PROX1: variants seen among roughly 807,000 people sequenced by gnomAD.
PROX1 encodes prospero homeobox 1.
A neutral mutation model predicts 58.8 loss-of-function variants in PROX1; 7 were observed. The ratio of observed to expected loss-of-function variants is 0.12; its 90% confidence interval spans 0.07 to 0.22. The LOEUF is 0.22. Among genes scored for constraint, PROX1 ranks in the 10% least tolerant of loss-of-function variants. The pLI is 1.00. For synonymous variants in PROX1, 350 were observed against 358.3 expected (o/e 0.98, Z 0.26); for missense variants, 675 against 927.8 (o/e 0.73, Z 3.54).
rs755554202 is a variant in PROX1, at chr1:213,997,399, C to T, written c.864C>T (p.Ala288=). ...GCTCGGAGATCCTGGATGCCAGGGCCCAGGACTCTGTCGGAAGGTCAGATA... is the reference window on the plus strand; with the variant it reads ...GCTCGGAGATCCTGGATGCCAGGGCTCAGGACTCTGTCGGAAGGTCAGATA... ...SMRSEILDAR[A]QDSVGRSDNE... Residue 288 remains alanine, a synonymous_variant, in exon 2 of 5, where the codon GCC becomes GCT. Coordinates refer to ENST00000366958, the MANE Select transcript of PROX1 (RefSeq NM_001270616.2). This position sits in a 1 kb window ranked among gnomAD's most constrained non-coding sequence, Gnocchi z 7.1. 2 of 1,613,894 alleles carry T rather than the reference C, an allele frequency of 1.2e-6. No homozygotes were observed. Among genetic ancestry groups the T allele is most frequent in the Non-Finnish European group, 8.5e-7 (1 of 1,180,008 alleles).
chr1:214,018,343 C>G (rs1355440948), intron 4 of PROX1, among the ~76,000 whole-genome samples: 1 of 152,168 alleles, frequency 6.6e-6, no homozygotes, highest in Admixed American at 6.5e-5. Flanking sequence ...TTTGATGAAG[C>G]GTAGACGTTT....
chr1:213,997,466 G>T lies in PROX1; in HGVS notation c.931G>T (p.Ala311Ser). The T allele has an allele frequency of 6.2e-7, 1 of 1,614,130 alleles. No individual in the cohort carries two copies. Among genetic ancestry groups the T allele is most frequent in the Non-Finnish European group, 8.5e-7 (1 of 1,180,028 alleles). ...AGACCCAGGACAGTTTATTGACCGA[G>T]CTCGAGCCCTGATCAGAGAGCAGGA... ...ELDPGQFIDR[A>S]RALIREQEMA... The change falls in exon 2 of 5, where the codon GCT becomes TCT. Residue 311 changes from alanine (A) to serine (S), a missense_variant. By Grantham distance (99) the Ala-to-Ser change is moderately conservative. This residue lies in a region of PROX1 where 403 missense variants were observed against 477.4 expected (regional missense o/e 0.84). Transcript: ENST00000366958. The surrounding 1 kb of genome is among the most constrained non-coding windows in gnomAD (Gnocchi z 7.1).
rs1053798010 is a variant in PROX1 at position 214,040,685 on chromosome 1, C to CT, written c.*4857dup. ...ATGTTGTAAATAGCATTATTAAGCT[C>CT]TTTTTTGTAATAAAGACCCTTTGAT... is the stretch of plus-strand genomic sequence containing the variant. On this transcript the variant is annotated 3_prime_UTR_variant, in exon 5 of 5. Coordinates refer to ENST00000366958, the MANE Select transcript of PROX1 (RefSeq NM_001270616.2). 21 of 152,034 alleles carry CT rather than the reference C, an allele frequency of 1.4e-4. No individual in the cohort carries two copies. The highest frequency in any genetic ancestry group is 7.2e-4 in the Admixed American group (11 of 15,260). The allele number at this position is 152,034 out of a possible 1,614,324, so 9.4% of individuals were successfully genotyped here.
At chr1:214,004,584 GA>G (rs1277413260) in intron 2 of PROX1, among the ~76,000 whole-genome samples, 1 of 152,064 alleles carries the variant, frequency 6.6e-6, no homozygotes, top group Non-Finnish European at 1.5e-5. Context: ...TATTTAAAAG[GA>G]AAAACAATTA....
chr1:214,034,698 C>CAT (rs763800663), intron 4 of PROX1, among the ~76,000 whole-genome samples: 1 of 152,132 alleles, frequency 6.6e-6, no homozygotes, highest in Admixed American at 6.5e-5. Context: ...ACACAACACA[C>CAT]ATACATATTA....
intron 2 of PROX1, among the ~76,000 whole-genome samples, chr1:214,002,548 C>T (rs1214698060): frequency 6.6e-6 from 1 of 151,966 alleles, no homozygotes; most frequent in Non-Finnish European, 1.5e-5. Flanking sequence ...GCCACATGAG[C>T]TGCTGGGACA....
chr1:214,035,807 C>T lies in PROX1; in HGVS notation c.2187C>T (p.Asn729=). 6.2e-7 allele frequency: 1 copy of T among 1,613,768 alleles called. No individual in the cohort carries two copies. Residue 729 remains asparagine (N), a synonymous_variant, in exon 5 of 5, where the codon AAC becomes AAT. Coordinates refer to ENST00000366958, the MANE Select transcript of PROX1 (RefSeq NM_001270616.2). ...SEVPEIFKSP[N]CLQELLHE is the part of the protein sequence containing the mutation. ...TCCCTGAGATTTTCAAATCCCCGAA[C>T]TGCCTACAAGAGCTGCTTCATGAGT...
intron 3 of PROX1, among the ~76,000 whole-genome samples, chr1:214,009,460 C>T (rs781735052): frequency 4.6e-5 from 7 of 152,106 alleles, no homozygotes; most frequent in African/African-American, 7.2e-5. Context: ...TCTAGAAAAG[C>T]GGGGGCTTGC....
intron 4 of PROX1, among the ~76,000 whole-genome samples, chr1:214,019,780 G>A (rs530290891): frequency 2.6e-5 from 4 of 152,312 alleles, no homozygotes; most frequent in Non-Finnish European, 4.4e-5. Context: ...GTCCCACGCC[G>A]CAAATGCTTC....
chr1:213,996,786 T>G lies in PROX1; in HGVS notation c.251T>G (p.Met84Arg), dbSNP rs1346352768. The change falls in exon 2 of 5, where the codon ATG (methionine) becomes AGG (arginine). Residue 84 changes from methionine to arginine, a missense_variant. By Grantham distance (91) the Met-to-Arg change is moderately conservative. This residue lies in a region of PROX1 where 157 missense variants were observed against 197.8 expected (regional missense o/e 0.79). Transcript: ENST00000366958. Reference sequence around the variant, plus strand: ...AGGGCGAACTCGTATGAAGATGCCATGATGCCTTTTCCAGGAGCAACCATA... The same window carrying G: ...AGGGCGAACTCGTATGAAGATGCCAGGATGCCTTTTCCAGGAGCAACCATA... ...LKRANSYEDA[M>R]MPFPGATIIS... 1 of 1,614,206 alleles carries G rather than the reference T, an allele frequency of 6.2e-7. No homozygotes were observed. The highest frequency in any genetic ancestry group is 8.5e-7 in the Non-Finnish European group (1 of 1,180,042).
rs769655916 is a variant in PROX1, at chr1:213,998,117, A to C, written c.1582A>C (p.Met528Leu). ...GGATACCACGAGTCTGAGGACCAAG[A>C]TGTCATCTCACCACCTGAGCCACCA... is the stretch of plus-strand genomic sequence containing the variant. ...TRDTTSLRTK[M>L]SSHHLSHHPC... is the part of the protein sequence containing the mutation. The change falls in exon 2 of 5, where the codon ATG (methionine) becomes CTG (leucine). Residue 528 changes from methionine (M) to leucine (L), a missense_variant. Physicochemically the swap from Met to Leu is conservative, Grantham distance 15. This residue lies in a region of PROX1 where 403 missense variants were observed against 477.4 expected (regional missense o/e 0.84). Coordinates refer to ENST00000366958, the MANE Select transcript of PROX1 (RefSeq NM_001270616.2). 20 of 1,614,042 alleles carry C rather than the reference A, an allele frequency of 1.2e-5. No individual in the cohort carries two copies. In the South Asian group the frequency reaches 2.1e-4, roughly 17 times the overall value.
At chr1:213,989,684 T>G (rs1312457303) in intron 1 of PROX1, 2 of 152,652 alleles carry the variant, frequency 1.3e-5, no homozygotes, top group Non-Finnish European at 2.9e-5. Context: ...AAGTCCAGTT[T>G]AGCAAGTTGT....
At chr1:214,030,464 G>A (rs1010621406) in intron 4 of PROX1, 2 of 152,242 alleles carry the variant, frequency 1.3e-5, no homozygotes, top group Non-Finnish European at 2.9e-5. Context: ...GAAAGAAGTC[G>A]ATGCCTGGTT....
chr1:214,028,893 T>G (rs1664548643), intron 4 of PROX1: 1 of 152,250 alleles, frequency 6.6e-6, no homozygotes, highest in Admixed American at 6.5e-5. Flanking sequence ...GATTCCTCTT[T>G]TCAGCCTCTG....
intron 4 of PROX1, among the ~76,000 whole-genome samples, chr1:214,032,231 C>G (rs1664681535): frequency 6.6e-6 from 1 of 152,170 alleles, no homozygotes; most frequent in African/African-American, 2.4e-5. Flanking sequence ...TAAAAGGGAG[C>G]CAGCATCGTT....
intron 1 of PROX1, among the ~76,000 whole-genome samples, chr1:213,996,023 C>G (rs1663250301): frequency 6.6e-6 from 1 of 152,148 alleles, no homozygotes; most frequent in African/African-American, 2.4e-5. Flanking sequence ...AATTGTAATG[C>G]AGAAATGCAA....
At chr1:214,016,068 C>T (rs1193252961) in intron 4 of PROX1, among the ~76,000 whole-genome samples, 1 of 152,196 alleles carries the variant, frequency 6.6e-6, no homozygotes, top group Non-Finnish European at 1.5e-5. Flanking sequence ...TGGGCAGATG[C>T]TCCATCTTAG....
chr1:214,019,078 C>G (rs1048636097), intron 4 of PROX1, among the ~76,000 whole-genome samples: 4 of 152,164 alleles, frequency 2.6e-5, no homozygotes, highest in Non-Finnish European at 4.4e-5. Flanking sequence ...AAAAGCCAGA[C>G]AGCTGTACTA....
rs1290212183 is a variant in PROX1 at position 214,037,732 on chromosome 1, A to C, written c.*1898A>C. 1 of 152,228 alleles carries C rather than the reference A, an allele frequency of 6.6e-6. No individual in the cohort carries two copies. The highest frequency in any genetic ancestry group is 2.4e-5 in the African/African-American group (1 of 41,446). 9.4% of individuals were successfully genotyped at this position (152,228 alleles called of 1,614,324 possible). A position where few individuals can be genotyped will look rare whatever the true frequency, so the allele number is the denominator to read the frequency against. ...CAGCTCACACTCTACTAATGCACAGAGTCATTAGATCCAATTTGTTATTTT... is the reference window on the plus strand; with the variant it reads ...CAGCTCACACTCTACTAATGCACAGCGTCATTAGATCCAATTTGTTATTTT... On this transcript the variant is annotated 3_prime_UTR_variant, in exon 5 of 5. Transcript: ENST00000366958.
Sources: gnomAD v4.1 joint callset for allele counts (sites outside exome capture counted in the v4.1 genomes callset) on GRCh38, gnomAD v4.1.1 for gene constraint, gnomAD v4.1.1 regional missense constraint, Gnocchi (gnomAD v3.1) non-coding constraint, MANE v1.5 for transcripts, NCBI Gene and HGNC (gene_info 2026-07-23, HGNC 2026-07-21) for gene names.